RBMS3: variants seen among roughly 807,000 people sequenced by gnomAD.
The protein encoded by RBMS3 is RNA binding motif single stranded interacting protein 3, also known as RNA-binding motif, single-stranded-interacting protein 3.
In RBMS3, 27 loss-of-function variants were observed where a neutral mutation model predicts 66.8. The ratio of observed to expected loss-of-function variants is 0.40; its 90% CI spans 0.30 to 0.56. The LOEUF is 0.56. RBMS3 is among the 20% of genes least tolerant of loss of function. RBMS3 has a pLI of 0.40. For synonymous variants in RBMS3, 188 were observed against 183.0 expected (o/e 1.03, Z -0.22); for missense variants, 513 against 549.5 (o/e 0.93, Z 0.66).
chr3:29,550,277 G>A (rs1012801995), intron 3 of RBMS3, among the ~76,000 whole-genome samples: 3 of 152,122 alleles, frequency 2.0e-5, no homozygotes, highest in African/African-American at 4.8e-5. Flanking sequence ...AAGTCACACC[G>A]TGAAGTTCTT....
intron 11 of RBMS3, among the ~76,000 whole-genome samples, chr3:29,941,329 C>A (rs2061389543): frequency 6.6e-6 from 1 of 151,634 alleles, no homozygotes; most frequent in South Asian, 2.1e-4. Context: ...AGACATTGTT[C>A]TTTTTTCTGT....
intron 6 of RBMS3, among the ~76,000 whole-genome samples, chr3:29,858,243 G>C (rs1322527772): frequency 2.0e-5 from 3 of 152,000 alleles, no homozygotes; most frequent in Non-Finnish European, 2.9e-5. Flanking sequence ...TATCTGCACT[G>C]TAAGATTATA....
intron 2 of RBMS3, among the ~76,000 whole-genome samples, chr3:29,457,945 C>T (rs924021631): frequency 6.8e-6 from 1 of 147,796 alleles, no homozygotes; most frequent in Non-Finnish European, 1.5e-5. Context: ...TTTTATCTTC[C>T]CCACCACTCT....
chr3:29,416,731 C>T (rs778264325), intron 1 of RBMS3, among the ~76,000 whole-genome samples: 1 of 152,188 alleles, frequency 6.6e-6, no homozygotes, highest in Non-Finnish European at 1.5e-5. Context: ...GTGGCAGGAA[C>T]GTGCTGGGCC....
chr3:29,410,741 C>G (rs1473877249), intron 1 of RBMS3, among the ~76,000 whole-genome samples: 1 of 152,080 alleles, frequency 6.6e-6, no homozygotes, highest in Non-Finnish European at 1.5e-5. Context: ...ATGATGAGCC[C>G]TCTGTTTAAA....
chr3:29,502,840 ATACT>A (rs2044029295), intron 3 of RBMS3, among the ~76,000 whole-genome samples: 1 of 152,102 alleles, frequency 6.6e-6, no homozygotes, highest in Non-Finnish European at 1.5e-5. Context: ...GGTGCAGCTG[ATACT>A]TTCTCTTACT....
rs554220331 is a variant in RBMS3, at chr3:29,489,773, G to A, written c.307+1274G>A. On this transcript the variant is annotated intron_variant, in intron 3 of 14. Coordinates refer to ENST00000383767, the MANE Select transcript of RBMS3 (RefSeq NM_001003793.3). ...AAAAAAAAAAAGTACTGCTGGGCGC[G>A]GTGGCTCACGCCTATAATCCCAGCA... Among the ~76,000 whole-genome samples the A allele has an allele frequency of 1.1e-4, 17 of 150,418 alleles. 1 individual carries two copies. The South Asian group carries it at 2.7e-3, about 24-fold the overall frequency.
chr3:29,906,058 T>G (rs1037655423), intron 10 of RBMS3, among the ~76,000 whole-genome samples: 33 of 152,140 alleles, frequency 2.2e-4, no homozygotes, highest in African/African-American at 7.7e-4. Context: ...ATTGAATTTT[T>G]CTATACAAGA....
chr3:29,499,017 G>T (rs553837950), intron 3 of RBMS3, among the ~76,000 whole-genome samples: 7 of 152,228 alleles, frequency 4.6e-5, no homozygotes, highest in African/African-American at 1.7e-4. Flanking sequence ...TATAAACCTG[G>T]TGTGTTTGAG....
chr3:29,453,286 G>A (rs1471190911), intron 2 of RBMS3, among the ~76,000 whole-genome samples: 1 of 152,182 alleles, frequency 6.6e-6, no homozygotes, highest in Admixed American at 6.5e-5. Flanking sequence ...GGGACTTAGG[G>A]CTTCCACAGG....
chr3:29,327,050 A>G (rs2035382202), intron 1 of RBMS3, among the ~76,000 whole-genome samples: 1 of 152,078 alleles, frequency 6.6e-6, no homozygotes, highest in Non-Finnish European at 1.5e-5. Flanking sequence ...TTGTATATGG[A>G]AGGAAGTATT....
At chr3:29,728,142 T>C (rs114118700) in intron 4 of RBMS3, among the ~76,000 whole-genome samples, 3,542 of 142,702 alleles carry the variant, frequency 0.025, 55 homozygotes, top group Non-Finnish European at 0.034. Context: ...CACTTATAAA[T>C]GGGAGTTGAA....
At position 29,281,130 on chromosome 3, in the gene RBMS3, T is replaced by TTC. The variant is rs1559455322; in HGVS notation, c.-551_-550insCT. 11 of 140,654 alleles carry TTC rather than the reference T, an allele frequency of 7.8e-5. No individual in the cohort carries two copies. Among genetic ancestry groups the TTC allele is most frequent in the South Asian group, 2.3e-4 (1 of 4,334 alleles). 8.7% of individuals were successfully genotyped at this position (140,654 alleles called of 1,614,324 possible). A position where few individuals can be genotyped will look rare whatever the true frequency, so the allele number is the denominator to read the frequency against. On this transcript the variant is annotated 5_prime_UTR_variant, in exon 1 of 15. Transcript: ENST00000383767. ...CTGTACAAGGTTTTTTTTTTTTTTT[T>TTC]TTCTTCCTTTTTTTCTTTTTTTTTT...
At chr3:29,664,625 A>G (rs2050682484) in intron 4 of RBMS3, among the ~76,000 whole-genome samples, 1 of 152,076 alleles carries the variant, frequency 6.6e-6, no homozygotes. Flanking sequence ...AAAAAAATAG[A>G]ACTGAGGCAA....
chr3:29,504,856 T>A (rs1207945542), intron 3 of RBMS3, among the ~76,000 whole-genome samples: 1 of 152,144 alleles, frequency 6.6e-6, no homozygotes, highest in East Asian at 1.9e-4. Context: ...GGTGAGCATG[T>A]TTTCATATAC....
chr3:29,944,272 CT>C lies in RBMS3; in HGVS notation c.1098+22del. On this transcript the variant is annotated intron_variant, in intron 12 of 14. Coordinates refer to ENST00000383767, the MANE Select transcript of RBMS3 (RefSeq NM_001003793.3). ...TGTGTCAGGTAGGAAAATTCTAATTCTTTTAAGACTGGATTGGAGGGGAGAG... is the reference window on the plus strand; with the variant it reads ...TGTGTCAGGTAGGAAAATTCTAATTCTTTAAGACTGGATTGGAGGGGAGAG... The C allele has an allele frequency of 6.4e-7, 1 of 1,562,340 alleles. No individual in the cohort carries two copies. The highest frequency in any genetic ancestry group is 8.8e-7 in the Non-Finnish European group (1 of 1,133,980).
At chr3:29,942,349 T>A (rs895145097) in intron 11 of RBMS3, among the ~76,000 whole-genome samples, 1 of 151,526 alleles carries the variant, frequency 6.6e-6, no homozygotes, top group Non-Finnish European at 1.5e-5. Context: ...CAAGACCCCA[T>A]CACAATAAAA....
At chr3:29,545,020 C>G (rs991672114) in intron 3 of RBMS3, among the ~76,000 whole-genome samples, 1 of 151,952 alleles carries the variant, frequency 6.6e-6, no homozygotes, top group Non-Finnish European at 1.5e-5. Context: ...AATATTTGGA[C>G]AAATACATAA....
At chr3:29,812,675 T>A (rs2057761587) in intron 6 of RBMS3, among the ~76,000 whole-genome samples, 1 of 152,138 alleles carries the variant, frequency 6.6e-6, no homozygotes, top group Non-Finnish European at 1.5e-5. Flanking sequence ...GGAATTTGCA[T>A]TTGAAGTATT....
Sources: gnomAD v4.1 joint callset for allele counts (sites outside exome capture counted in the v4.1 genomes callset) on GRCh38, gnomAD v4.1.1 for gene constraint, MANE v1.5 for transcripts, NCBI Gene and HGNC (gene_info 2026-07-23, HGNC 2026-07-21) for gene names.